CTNNA3: variants seen among roughly 807,000 people sequenced by gnomAD.
The protein encoded by CTNNA3 is catenin alpha 3.
CTNNA3 carries 76 observed loss-of-function variants against 95.7 expected under a neutral mutation model. The ratio of observed to expected loss-of-function variants is 0.79; its 90% CI spans 0.66 to 0.96. CTNNA3 has a LOEUF of 0.96. Ranked by LOEUF, CTNNA3 falls within the 40% of genes least tolerant of loss-of-function variation. The pLI is 0.00. For missense variants in CTNNA3, 1,191 were observed against 1,089.8 expected (o/e 1.09, Z -1.31); for synonymous variants, 431 against 374.4 (o/e 1.15, Z -1.74).
intron 7 of CTNNA3, among the ~76,000 whole-genome samples, chr10:67,105,868 T>A (rs1350840132): frequency 6.6e-6 from 1 of 152,210 alleles, no homozygotes; most frequent in Non-Finnish European, 1.5e-5. Flanking sequence ...TTGCATATTA[T>A]CTGGAGAAAA....
intron 1 of CTNNA3, chr10:67,751,218 G>A (rs573328914): frequency 2.0e-5 from 26 of 1,281,516 alleles, no homozygotes; most frequent in East Asian, 1.4e-4. Context: ...CTATCCCTTC[G>A]ATGCAGAATA....
intron 17 of CTNNA3, among the ~76,000 whole-genome samples, chr10:65,945,480 G>C (rs550880362): frequency 1.3e-5 from 2 of 152,316 alleles, no homozygotes; most frequent in South Asian, 4.1e-4. Context: ...CCCAAGGAAA[G>C]AGTGAGGGTG....
intron 10 of CTNNA3, among the ~76,000 whole-genome samples, chr10:66,544,577 T>G (rs1268195267): frequency 6.6e-6 from 1 of 152,168 alleles, no homozygotes; most frequent in Non-Finnish European, 1.5e-5. Flanking sequence ...AGGTTCAAAT[T>G]AATAAATCTC....
At chr10:65,989,714 T>C (rs1472623881) in intron 15 of CTNNA3, among the ~76,000 whole-genome samples, 1 of 152,230 alleles carries the variant, frequency 6.6e-6, no homozygotes, top group Non-Finnish European at 1.5e-5. Context: ...TTTCTATTTG[T>C]TGAAAATATT....
At chr10:66,007,736 C>T (rs2078920073) in intron 15 of CTNNA3, among the ~76,000 whole-genome samples, 1 of 112,636 alleles carries the variant, frequency 8.9e-6, no homozygotes, top group East Asian at 2.8e-4. Flanking sequence ...CTTTCTTCCT[C>T]CCTACCTTCC....
At chr10:66,941,704 C>T (rs1848005102) in intron 7 of CTNNA3, among the ~76,000 whole-genome samples, 1 of 152,120 alleles carries the variant, frequency 6.6e-6, no homozygotes, top group Non-Finnish European at 1.5e-5. Flanking sequence ...CAGCCTTGAC[C>T]GCACTGCCCG....
chr10:66,098,422 G>C, intron 14 of CTNNA3, among the ~76,000 whole-genome samples: 1 of 152,032 alleles, frequency 6.6e-6, no homozygotes, highest in East Asian at 1.9e-4. Flanking sequence ...AAACGGAAAA[G>C]ATAACAAAAA....
At chr10:66,497,645 CTCTGATTGACATG>C (rs1207050571) in intron 11 of CTNNA3, among the ~76,000 whole-genome samples, 1 of 152,130 alleles carries the variant, frequency 6.6e-6, no homozygotes, top group East Asian at 1.9e-4. Context: ...TCAAACTGTA[CTCTGATTGACATG>C]GCATATTTTG....
chr10:67,148,772 A>T (rs1860953810), intron 7 of CTNNA3, among the ~76,000 whole-genome samples: 1 of 152,204 alleles, frequency 6.6e-6, no homozygotes, highest in Non-Finnish European at 1.5e-5. Flanking sequence ...TTTATAGGTA[A>T]TTTGTAATAA....
At chr10:65,952,835 C>T (rs1002319752) in intron 17 of CTNNA3, among the ~76,000 whole-genome samples, 1 of 152,118 alleles carries the variant, frequency 6.6e-6, no homozygotes. Flanking sequence ...TGATCTTTCC[C>T]CTTTGACTGA....
intron 1 of CTNNA3, among the ~76,000 whole-genome samples, chr10:67,720,795 A>C (rs1472869356): frequency 6.6e-6 from 1 of 152,118 alleles, no homozygotes; most frequent in African/African-American, 2.4e-5. Context: ...CTCTACTAAA[A>C]ATACAAAAAT....
At chr10:66,410,577 G>A (rs2093095609) in intron 11 of CTNNA3, among the ~76,000 whole-genome samples, 2 of 152,254 alleles carry the variant, frequency 1.3e-5, no homozygotes, top group South Asian at 4.1e-4. Context: ...CTTGAGATGA[G>A]GCAATTCTAA....
At chr10:67,045,417 T>G (rs1025486417) in intron 7 of CTNNA3, among the ~76,000 whole-genome samples, 3 of 152,140 alleles carry the variant, frequency 2.0e-5, no homozygotes, top group East Asian at 3.9e-4. Flanking sequence ...TGTTGGTTTT[T>G]TTGTTGTTGT....
intron 9 of CTNNA3, among the ~76,000 whole-genome samples, chr10:66,735,176 T>C (rs1849093646): frequency 6.6e-6 from 1 of 151,914 alleles, no homozygotes; most frequent in African/African-American, 2.4e-5. Flanking sequence ...AAAAATTCTA[T>C]AATTATTACC....
At chr10:66,301,296 C>T (rs1468924579) in intron 12 of CTNNA3, among the ~76,000 whole-genome samples, 1 of 151,936 alleles carries the variant, frequency 6.6e-6, no homozygotes, top group African/African-American at 2.4e-5. Flanking sequence ...AAGGTGGAAG[C>T]AGAGTGAATA....
At chr10:67,124,409 A>G (rs900550930) in intron 7 of CTNNA3, among the ~76,000 whole-genome samples, 6 of 148,150 alleles carry the variant, frequency 4.0e-5, no homozygotes, top group Non-Finnish European at 7.4e-5. Context: ...CTATGTAAAC[A>G]CTCTTTACTC....
intron 11 of CTNNA3, among the ~76,000 whole-genome samples, chr10:66,464,355 A>G (rs1455543135): frequency 1.3e-5 from 2 of 152,098 alleles, no homozygotes. Flanking sequence ...CAATATTGTC[A>G]CTCATACTTG....
chr10:66,283,736 A>G (rs758100755), intron 12 of CTNNA3, among the ~76,000 whole-genome samples: 26 of 151,904 alleles, frequency 1.7e-4, no homozygotes, highest in Non-Finnish European at 2.7e-4. Context: ...TATGTAATTC[A>G]TTTCTCATTT....
intron 7 of CTNNA3, among the ~76,000 whole-genome samples, chr10:66,822,118 C>CAT (rs56266654): frequency 0.8 from 119,358 of 148,682 alleles, 48,023 homozygotes; most frequent in Admixed American, 0.86. Context: ...ATAAATATTA[C>CAT]GTTTATATTT....
Sources: gnomAD v4.1 joint callset for allele counts (sites outside exome capture counted in the v4.1 genomes callset) on GRCh38, gnomAD v4.1.1 for gene constraint, MANE v1.5 for transcripts, NCBI Gene and HGNC (gene_info 2026-07-23, HGNC 2026-07-21) for gene names.